PCSK6: variants seen among roughly 807,000 people sequenced by gnomAD.
PCSK6 encodes paired basic amino acid cleaving enzyme 4.
In PCSK6, 85 loss-of-function variants were observed where a neutral mutation model predicts 123.3. That is an observed-to-expected ratio of 0.69 (90% CI 0.58 to 0.83). PCSK6 has a LOEUF of 0.83. PCSK6 is among the 40% of genes least tolerant of loss of function. The pLI, the probability that PCSK6 is intolerant of heterozygous loss-of-function variation, is 0.00. For synonymous variants in PCSK6, 508 were observed against 516.0 expected, an observed-to-expected ratio of 0.98 and a Z score of 0.21; for missense variants, 1,191 against 1,282.3, an observed-to-expected ratio of 0.93 and a Z score of 1.09.
intron 6 of PCSK6, among the ~76,000 whole-genome samples, chr15:101,407,822 G>A (rs975589899): frequency 6.6e-6 from 1 of 152,220 alleles, no homozygotes; most frequent in Non-Finnish European, 1.5e-5. Context: ...CCTTTTCAAT[G>A]CATGGCAGTG....
chr15:101,318,199 G>A (rs2040036375), intron 19 of PCSK6, 120 bp downstream of exon 19: 1 of 708,652 alleles, frequency 1.4e-6, no homozygotes, highest in African/African-American at 1.8e-5. Flanking sequence ...TTTTGCCCTT[G>A]CATTTTAATG....
chr15:101,331,373 T>C (rs934194838), intron 15 of PCSK6, among the ~76,000 whole-genome samples: 5 of 152,264 alleles, frequency 3.3e-5, no homozygotes, highest in African/African-American at 1.2e-4. Flanking sequence ...TCAGGATCTC[T>C]GCCACGAAGT....
intron 15 of PCSK6, among the ~76,000 whole-genome samples, chr15:101,327,062 G>C (rs999117616): frequency 1.3e-5 from 2 of 152,162 alleles, no homozygotes; most frequent in Non-Finnish European, 2.9e-5. Flanking sequence ...GGGTGGGGCA[G>C]GGACACAGCT....
intron 9 of PCSK6, among the ~76,000 whole-genome samples, chr15:101,386,131 G>C (rs1023843313): frequency 6.6e-6 from 1 of 152,018 alleles, no homozygotes; most frequent in Non-Finnish European, 1.5e-5. Context: ...CCGTGCTCTC[G>C]GTGCGTGTTT....
At chr15:101,437,321 G>A (rs570858579) in intron 2 of PCSK6, among the ~76,000 whole-genome samples, 51 of 152,340 alleles carry the variant, frequency 3.3e-4, no homozygotes, top group African/African-American at 1.0e-3. Context: ...GCCCACCTCC[G>A]GCGCAGCACT....
chr15:101,485,726 A>G (rs755706229), intron 1 of PCSK6, among the ~76,000 whole-genome samples: 8 of 152,260 alleles, frequency 5.3e-5, no homozygotes, highest in Non-Finnish European at 1.2e-4. Flanking sequence ...CTACTGCTGG[A>G]CTGTCGTTAC....
chr15:101,473,882 A>ATAAGTAAG (rs143660965), intron 1 of PCSK6, among the ~76,000 whole-genome samples: 1 of 150,776 alleles, frequency 6.6e-6, no homozygotes, highest in South Asian at 2.1e-4. Flanking sequence ...TCTCAAATAA[A>ATAAGTAAG]TAAGTAAATA....
intron 1 of PCSK6, among the ~76,000 whole-genome samples, chr15:101,452,306 C>T (rs2057055871): frequency 6.6e-6 from 1 of 152,160 alleles, no homozygotes; most frequent in Admixed American, 6.6e-5. Context: ...TTTTCAAGGT[C>T]TACAAAAAGC....
chr15:101,423,264 T>G (rs1353741838), intron 6 of PCSK6, among the ~76,000 whole-genome samples: 1 of 151,400 alleles, frequency 6.6e-6, no homozygotes, highest in Non-Finnish European at 1.5e-5. Flanking sequence ...TCTGAATTTT[T>G]TTTTTTTTTT....
chr15:101,312,743 AAT>A (rs1596167743), intron 20 of PCSK6, among the ~76,000 whole-genome samples: 1 of 152,066 alleles, frequency 6.6e-6, no homozygotes, highest in East Asian at 1.9e-4. Flanking sequence ...GAGGCAGGAG[AAT>A]GGTGTGAATC....
At chr15:101,321,476 A>C (rs2040120771) in intron 18 of PCSK6, among the ~76,000 whole-genome samples, 1 of 152,228 alleles carries the variant, frequency 6.6e-6, no homozygotes, top group Non-Finnish European at 1.5e-5. Context: ...GTAAAATGCG[A>C]GTAAGAATTA....
At chr15:101,440,488 G>A (rs1245649195) in intron 2 of PCSK6, among the ~76,000 whole-genome samples, 3 of 152,138 alleles carry the variant, frequency 2.0e-5, no homozygotes, top group East Asian at 3.8e-4. Flanking sequence ...TGTGACATGG[G>A]GTGGACTGTA....
At chr15:101,346,888 C>T in intron 13 of PCSK6, 1 of 1,231,614 alleles carries the variant, frequency 8.1e-7, no homozygotes, top group Non-Finnish European at 1.0e-6. Flanking sequence ...GCATTTCTCC[C>T]CGAGATAAGT....
intron 19 of PCSK6, among the ~76,000 whole-genome samples, chr15:101,317,288 C>G (rs936305957): frequency 3.3e-5 from 5 of 152,106 alleles, no homozygotes; most frequent in African/African-American, 1.2e-4. Context: ...GACCAAAGTA[C>G]CAAGGACAGG....
intron 9 of PCSK6, 87 bp downstream of exon 9, chr15:101,389,377 C>G (rs1596274560): frequency 1.9e-6 from 2 of 1,033,928 alleles, no homozygotes; most frequent in East Asian, 2.4e-5. Context: ...CTGTCCACTT[C>G]AATAGGGTGA....
chr15:101,364,959 T>C (rs1245697720), intron 13 of PCSK6: 6 of 776,560 alleles, frequency 7.7e-6, no homozygotes, highest in East Asian at 2.4e-5. Context: ...AAGATAGATA[T>C]ACAGACCAAT....
intron 3 of PCSK6, 85 bp from the exon 4 acceptor site, chr15:101,431,548 C>T (rs750203699): frequency 1.7e-5 from 26 of 1,551,396 alleles, no homozygotes; most frequent in Non-Finnish European, 2.0e-5. Flanking sequence ...CACAGGGAGG[C>T]GCTTAGGCTT....
chr15:101,407,703 C>T (rs1310929735), intron 6 of PCSK6, among the ~76,000 whole-genome samples: 1 of 152,230 alleles, frequency 6.6e-6, no homozygotes, highest in Non-Finnish European at 1.5e-5. Flanking sequence ...CACAAGGCCT[C>T]TGGCCCGTGT....
At chr15:101,308,572 G>C (rs1337750221) in intron 20 of PCSK6, 1 of 152,208 alleles carries the variant, frequency 6.6e-6, no homozygotes. Context: ...CAAGCCCTTG[G>C]TCTGTAATTG....
Sources: allele counts gnomAD v4.1 joint callset (sites outside exome capture counted in the v4.1 genomes callset), GRCh38; gene constraint gnomAD v4.1.1; transcripts MANE v1.5; gene names NCBI Gene and HGNC (gene_info 2026-07-23, HGNC 2026-07-21).